The following KHDRBS2 variants were observed in gnomAD, a reference collection of about 807,000 sequenced individuals.
The protein encoded by KHDRBS2 is KH RNA binding domain containing, signal transduction associated 2.
KHDRBS2 carries 26 observed loss-of-function variants against 44.3 expected under a neutral mutation model. The observed-to-expected ratio is 0.59, with a 90% confidence interval of 0.43 to 0.81. The LOEUF (loss-of-function observed/expected upper bound fraction) is 0.81. KHDRBS2 is among the 40% of genes least tolerant of loss of function. The probability of loss-of-function intolerance (pLI) is 0.00; values close to 1 mark genes in which losing one functional copy is unlikely to be tolerated. For missense variants in KHDRBS2, 476 were observed against 433.1 expected, an observed-to-expected ratio of 1.10 and a Z score of -0.88; for synonymous variants, 194 against 151.1, an observed-to-expected ratio of 1.28 and a Z score of -2.08.
chr6:62,199,882 A>C (rs538445482), intron 1 of KHDRBS2, among the ~76,000 whole-genome samples: 77 of 152,164 alleles, frequency 5.1e-4, no homozygotes, highest in African/African-American at 1.6e-3. Flanking sequence ...GGTACTAAAA[A>C]AGAGATATAG....
rs1346701369 is a variant in KHDRBS2 at position 61,720,348 on chromosome 6, G to A, written c.893+12334C>T. ...TCTAGTTCTAGATCCCTGAGGAATT[G>A]CCACACTGACTTCCACAATGGTTGA... On this transcript the variant is annotated intron_variant, in intron 7 of 8. Transcript: ENST00000281156. Among the ~76,000 whole-genome samples the A allele has an allele frequency of 5.3e-5, 8 of 152,040 alleles. No homozygotes were observed. In the South Asian group the frequency reaches 6.2e-4, roughly 12 times the overall value.
the KHDRBS2 span, among the ~76,000 whole-genome samples, chr6:61,597,915 T>TG: frequency 3.4e-5 from 3 of 88,830 alleles, no homozygotes; most frequent in African/African-American, 1.5e-4. Flanking sequence ...TTTTTTTGTG[T>TG]TTTTTTTTTT....
chr6:61,624,694 C>T, the KHDRBS2 span, among the ~76,000 whole-genome samples: 2 of 152,232 alleles, frequency 1.3e-5, no homozygotes. Flanking sequence ...TTCTATGGCA[C>T]CGCTGGAGTG....
At chr6:61,892,306 C>A (rs1269387970) in intron 6 of KHDRBS2, among the ~76,000 whole-genome samples, 2 of 152,134 alleles carry the variant, frequency 1.3e-5, no homozygotes, top group Non-Finnish European at 2.9e-5. Flanking sequence ...GACTCAATAT[C>A]ATGAAAATGG....
At chr6:61,848,552 CATAT>C (rs1223042685) in intron 6 of KHDRBS2, among the ~76,000 whole-genome samples, 1 of 37,250 alleles carries the variant, frequency 2.7e-5, no homozygotes, top group African/African-American at 1.1e-4. Context: ...TATATATATA[CATAT>C]ATATATGTAT....
At chr6:61,972,738 A>C (rs1210952922) in intron 4 of KHDRBS2, among the ~76,000 whole-genome samples, 6 of 152,192 alleles carry the variant, frequency 3.9e-5, no homozygotes, top group African/African-American at 1.4e-4. Flanking sequence ...GCCGTCAGCC[A>C]GTCAAAATGT....
intron 2 of KHDRBS2, among the ~76,000 whole-genome samples, chr6:62,132,215 T>G (rs1425534819): frequency 2.0e-5 from 3 of 152,178 alleles, no homozygotes; most frequent in Non-Finnish European, 2.9e-5. Flanking sequence ...AAGAGTATAT[T>G]TAAACCTTAT....
At chr6:61,723,163 A>G (rs902951076) in intron 7 of KHDRBS2, among the ~76,000 whole-genome samples, 34 of 151,242 alleles carry the variant, frequency 2.2e-4, no homozygotes, top group Admixed American at 5.9e-4. Context: ...TAAAAAACAA[A>G]CAAACAAACA....
At chr6:61,954,645 C>CG (rs1765758949) in intron 4 of KHDRBS2, among the ~76,000 whole-genome samples, 1 of 109,084 alleles carries the variant, frequency 9.2e-6, no homozygotes, top group African/African-American at 3.6e-5. Flanking sequence ...CACATACATA[C>CG]TTATGTATAC....
intron 6 of KHDRBS2, among the ~76,000 whole-genome samples, chr6:61,842,898 T>C (rs1295631288): frequency 6.6e-6 from 1 of 152,076 alleles, no homozygotes; most frequent in Non-Finnish European, 1.5e-5. Context: ...CTTATCTCTA[T>C]AGATACATAT....
chr6:61,552,755 T>C, the KHDRBS2 span, among the ~76,000 whole-genome samples: 5 of 152,184 alleles, frequency 3.3e-5, no homozygotes, highest in African/African-American at 1.2e-4. Flanking sequence ...AACAAAATAA[T>C]CATGTGGTTT....
intron 7 of KHDRBS2, among the ~76,000 whole-genome samples, chr6:61,703,547 T>A (rs748326198): frequency 3.3e-5 from 5 of 152,008 alleles, no homozygotes; most frequent in Non-Finnish European, 5.9e-5. Flanking sequence ...GAGATATTAG[T>A]CAAGCAAAGA....
At chr6:61,692,657 A>C (rs537852172) in intron 8 of KHDRBS2, among the ~76,000 whole-genome samples, 3 of 152,266 alleles carry the variant, frequency 2.0e-5, no homozygotes, top group African/African-American at 4.8e-5. Flanking sequence ...TTTAGAATGA[A>C]GTGTCCCACT....
At chr6:61,771,697 G>A (rs1254761444) in intron 6 of KHDRBS2, among the ~76,000 whole-genome samples, 1 of 152,162 alleles carries the variant, frequency 6.6e-6, no homozygotes, top group Non-Finnish European at 1.5e-5. Context: ...CAAGTCTTTA[G>A]TGACCTACAA....
intron 2 of KHDRBS2, among the ~76,000 whole-genome samples, chr6:62,104,962 T>A (rs1802811158): frequency 6.6e-6 from 1 of 152,052 alleles, no homozygotes; most frequent in Non-Finnish European, 1.5e-5. Context: ...AATGACATCC[T>A]TATAGATTCT....
intron 1 of KHDRBS2, among the ~76,000 whole-genome samples, chr6:62,246,617 C>T (rs538546684): frequency 1.5e-3 from 221 of 152,076 alleles, no homozygotes; most frequent in African/African-American, 4.7e-3. Context: ...GGAAGAAAGA[C>T]ATAGAGCCAT....
intron 1 of KHDRBS2, among the ~76,000 whole-genome samples, chr6:62,282,212 G>A (rs1328087900): frequency 1.3e-5 from 2 of 152,058 alleles, no homozygotes; most frequent in Non-Finnish European, 2.9e-5. Flanking sequence ...TTGCATGTGT[G>A]GTAAGTATTA....
chr6:62,186,886 G>A (rs1303888870), intron 1 of KHDRBS2, among the ~76,000 whole-genome samples: 2 of 151,816 alleles, frequency 1.3e-5, no homozygotes, highest in African/African-American at 4.8e-5. Context: ...ACATGTAGTC[G>A]TCCCATTTCG....
the KHDRBS2 span, among the ~76,000 whole-genome samples, chr6:61,605,443 C>A: frequency 1.3e-5 from 2 of 152,184 alleles, no homozygotes; most frequent in African/African-American, 4.8e-5. Context: ...TCTTTGCTGG[C>A]AGGATATGCT....
Sources: gnomAD v4.1 joint callset for allele counts (sites outside exome capture counted in the v4.1 genomes callset) on GRCh38, gnomAD v4.1.1 for gene constraint, MANE v1.5 for transcripts, NCBI Gene and HGNC (gene_info 2026-07-23, HGNC 2026-07-21) for gene names.